Variants in HOMER2 observed in about 807,000 individuals in gnomAD.
HOMER2 encodes homer scaffold protein 2, also known as homer protein homolog 2.
A neutral mutation model predicts 47.0 loss-of-function variants in HOMER2; 27 were observed. The ratio of observed to expected loss-of-function variants is 0.57; its 90% confidence interval spans 0.42 to 0.79. HOMER2 has a LOEUF of 0.79. Ranked by LOEUF, HOMER2 falls within the 30% of genes least tolerant of loss-of-function variation. The pLI is 0.00. For missense variants in HOMER2, 443 were observed against 435.0 expected (o/e 1.02, Z -0.16); for synonymous variants, 161 against 163.8 (o/e 0.98, Z 0.13).
At chr15:82,836,285 C>A (rs2051125658), downstream of HOMER2, among the ~76,000 whole-genome samples, 1 of 152,244 alleles carries the variant, frequency 6.6e-6, no homozygotes, top group Non-Finnish European at 1.5e-5. Context: ...TCAGAGCTCT[C>A]CAGTCGGCCT....
exon 2 of HOMER2, chr15:82,843,570 A>T (rs112638277): frequency 7.2e-4 from 108 of 150,950 alleles, no homozygotes; most frequent in Non-Finnish European, 1.4e-3. Flanking sequence ...GTGTTTTTTT[A>T]AATGTCTAAA....
chr15:82,982,658 G>C (rs993990118), intron 1 of HOMER2, among the ~76,000 whole-genome samples: 1 of 152,162 alleles, frequency 6.6e-6, no homozygotes, highest in Non-Finnish European at 1.5e-5. Context: ...TGTATTTGGG[G>C]ATTAGGGATG....
At chr15:82,928,330 T>C (rs919290851) in intron 1 of HOMER2, among the ~76,000 whole-genome samples, 8 of 152,252 alleles carry the variant, frequency 5.3e-5, no homozygotes, top group Admixed American at 1.3e-4. Flanking sequence ...TCTGAGCACA[T>C]AGACTGGTTT....
chr15:82,849,699 T>C lies in HOMER2; in HGVS notation c.*16A>G, dbSNP rs755521915. 2 of 1,608,434 alleles carry C rather than the reference T, an allele frequency of 1.2e-6. No homozygotes were observed. The highest frequency in any genetic ancestry group is 2.2e-5 in the South Asian group (2 of 90,332). ...ACGCTTGGGACTCACGGGCGGGGCCTGGGCCTCGGCCAGCCCTAGTTATCG... is the reference window on the plus strand; with the variant it reads ...ACGCTTGGGACTCACGGGCGGGGCCCGGGCCTCGGCCAGCCCTAGTTATCG... On this transcript the variant is annotated 3_prime_UTR_variant, in exon 9 of 9. Coordinates refer to ENST00000450735, the MANE Select transcript of HOMER2 (RefSeq NM_004839.4).
chr15:82,938,957 T>C (rs2054202016), intron 1 of HOMER2, among the ~76,000 whole-genome samples: 2 of 152,168 alleles, frequency 1.3e-5, no homozygotes, highest in Non-Finnish European at 2.9e-5. Context: ...ACCGGCTTCT[T>C]TTCCTTCCCT....
At chr15:82,893,305 A>C (rs1417362853) in intron 1 of HOMER2, among the ~76,000 whole-genome samples, 2 of 151,304 alleles carry the variant, frequency 1.3e-5, no homozygotes, top group Admixed American at 6.6e-5. Context: ...AATTTGCAGT[A>C]ATTTATGAAT....
intron 1 of HOMER2, among the ~76,000 whole-genome samples, chr15:82,960,036 A>G (rs72755942): frequency 0.065 from 9,890 of 152,232 alleles, 402 homozygotes; most frequent in East Asian, 0.1. Flanking sequence ...GCCTGTGTGT[A>G]TATCTGGAAA....
chr15:82,901,132 G>A (rs1031092746), intron 1 of HOMER2, among the ~76,000 whole-genome samples: 1 of 152,166 alleles, frequency 6.6e-6, no homozygotes, highest in African/African-American at 2.4e-5. Flanking sequence ...ACAGGCAGAG[G>A]GCTACCCAGA....
At chr15:82,870,843 G>A (rs956849065) in intron 3 of HOMER2, among the ~76,000 whole-genome samples, 5 of 152,150 alleles carry the variant, frequency 3.3e-5, no homozygotes, top group African/African-American at 9.7e-5. Flanking sequence ...GATCAACCAT[G>A]GTGCACTGGC....
At chr15:82,918,093 C>T (rs894280828) in intron 1 of HOMER2, among the ~76,000 whole-genome samples, 1 of 152,152 alleles carries the variant, frequency 6.6e-6, no homozygotes, top group Non-Finnish European at 1.5e-5. Context: ...GGACTAAAAG[C>T]AGGCAGCATT....
At chr15:82,878,155 G>C (rs1022511036) in intron 2 of HOMER2, among the ~76,000 whole-genome samples, 2 of 152,324 alleles carry the variant, frequency 1.3e-5, no homozygotes, top group African/African-American at 4.8e-5. Context: ...CCCTAGGTCA[G>C]TCACCACACC....
intron 6 of HOMER2, 41 bp from the exon 7 acceptor site, chr15:82,852,293 AAC>A: frequency 7.3e-7 from 1 of 1,378,888 alleles, no homozygotes; most frequent in Non-Finnish European, 1.0e-6. Flanking sequence ...ACGCCAGCTT[AAC>A]ATTAGTCATT....
rs771053430 is a variant in HOMER2 at position 82,875,379 on chromosome 15, G to A, written c.188C>T (p.Pro63Leu). Residue 63 changes from proline to leucine, a missense_variant, in exon 3 of 9, where the codon CCG becomes CTG. Physicochemically the swap from Pro to Leu is moderately conservative, Grantham distance 98. Coordinates refer to ENST00000450735, the MANE Select transcript of HOMER2 (RefSeq NM_004839.4). ...TGACGTTTTGGTGAAGGTCATATTC[G>A]GTGTGATTGTGCTGTTTATGATCAC... is the stretch of plus-strand genomic sequence containing the variant. ...AKVIINSTIT[P>L]NMTFTKTSQK... 12 of 1,613,932 alleles carry A rather than the reference G, an allele frequency of 7.4e-6. No individual in the cohort carries two copies. The Middle Eastern group carries it at 1.2e-3, about 155-fold the overall frequency.
intron 1 of HOMER2, among the ~76,000 whole-genome samples, chr15:82,942,049 T>A (rs2054277986): frequency 6.6e-6 from 1 of 152,208 alleles, no homozygotes; most frequent in South Asian, 2.1e-4. Context: ...CTAAATGCCC[T>A]GTTCCTCATT....
chr15:82,951,233 G>A (rs2054499490), intron 1 of HOMER2, among the ~76,000 whole-genome samples: 1 of 152,150 alleles, frequency 6.6e-6, no homozygotes, highest in African/African-American at 2.4e-5. Context: ...AGCCCTCGCT[G>A]CTCATCTCGC....
chr15:82,894,499 G>A (rs1371697583), intron 1 of HOMER2, among the ~76,000 whole-genome samples: 5 of 151,706 alleles, frequency 3.3e-5, no homozygotes, highest in African/African-American at 9.7e-5. Context: ...GTGAAGCCCC[G>A]TCTCTACTAA....
chr15:82,890,608 G>A (rs1299305996), intron 2 of HOMER2, among the ~76,000 whole-genome samples: 3 of 152,186 alleles, frequency 2.0e-5, no homozygotes, highest in Non-Finnish European at 4.4e-5. Context: ...CATTGTCACA[G>A]CCTTCAGGAA....
chr15:82,874,772 G>A (rs558341864), intron 3 of HOMER2, among the ~76,000 whole-genome samples: 1 of 152,352 alleles, frequency 6.6e-6, no homozygotes, highest in South Asian at 2.1e-4. Context: ...GACAAAGTGT[G>A]CCTTACTTCA....
chr15:82,845,619 G>T (rs1173232873), downstream of HOMER2: 2 of 152,190 alleles, frequency 1.3e-5, no homozygotes, highest in Admixed American at 6.5e-5. Context: ...GGCAATGAAA[G>T]AATTTAGCTT....
Sources: allele counts gnomAD v4.1 joint callset (sites outside exome capture counted in the v4.1 genomes callset), GRCh38; gene constraint gnomAD v4.1.1; transcripts MANE v1.5; gene names NCBI Gene and HGNC (gene_info 2026-07-23, HGNC 2026-07-21).